C7orf78: variants seen among roughly 807,000 people sequenced by gnomAD.
C7orf78 encodes chromosome 7 open reading frame 78, also known as putative uncharacterized protein C7orf78.
the C7orf78 span, among the ~76,000 whole-genome samples, chr7:12,516,232 G>C: frequency 6.6e-6 from 1 of 152,214 alleles, no homozygotes; most frequent in South Asian, 2.1e-4. Context: ...GCTGTAAGGG[G>C]CCAATGTAGA....
At chr7:12,514,606 A>G in the C7orf78 span, among the ~76,000 whole-genome samples, 1 of 151,856 alleles carries the variant, frequency 6.6e-6, no homozygotes, top group Non-Finnish European at 1.5e-5. Context: ...GCTGTTTTAT[A>G]TATTCTTTAC....
the C7orf78 span, among the ~76,000 whole-genome samples, chr7:12,487,735 A>T: frequency 2.8e-3 from 429 of 152,198 alleles, 2 homozygotes; most frequent in Non-Finnish European, 1.4e-3. Flanking sequence ...TGCAAACAAA[A>T]GTATTTTCAA....
At chr7:12,490,677 A>G in the C7orf78 span, among the ~76,000 whole-genome samples, 2 of 152,038 alleles carry the variant, frequency 1.3e-5, no homozygotes, top group Non-Finnish European at 2.9e-5. Context: ...GGAAATAAGT[A>G]TCTGTCTTCA....
the C7orf78 span, among the ~76,000 whole-genome samples, chr7:12,531,461 CT>C: frequency 6.6e-6 from 1 of 152,058 alleles, no homozygotes; most frequent in African/African-American, 2.4e-5. Context: ...AGTAATCCAC[CT>C]GTAATTTGTG....
chr7:12,486,667 A>G, the C7orf78 span, among the ~76,000 whole-genome samples: 1 of 152,056 alleles, frequency 6.6e-6, no homozygotes, highest in Non-Finnish European at 1.5e-5. Context: ...ATAGCATTTT[A>G]GTCAACATTG....
the C7orf78 span, among the ~76,000 whole-genome samples, chr7:12,503,410 G>C: frequency 6.6e-6 from 1 of 151,758 alleles, no homozygotes; most frequent in African/African-American, 2.4e-5. Context: ...ATCTTTTGGG[G>C]GTAACATTCT....
the C7orf78 span, among the ~76,000 whole-genome samples, chr7:12,520,079 A>G: frequency 1.3e-5 from 2 of 152,220 alleles, no homozygotes; most frequent in Non-Finnish European, 2.9e-5. Context: ...CACAGTGAGG[A>G]TGTAAGCCAA....
chr7:12,519,999 T>G, the C7orf78 span, among the ~76,000 whole-genome samples: 1 of 152,238 alleles, frequency 6.6e-6, no homozygotes, highest in Non-Finnish European at 1.5e-5. Flanking sequence ...GGTCTCCAGA[T>G]GAACACCCAC....
the C7orf78 span, among the ~76,000 whole-genome samples, chr7:12,484,695 C>A: frequency 1.3e-5 from 2 of 152,086 alleles, no homozygotes; most frequent in African/African-American, 4.8e-5. Flanking sequence ...TGGAGGTGGG[C>A]TACAGTCTAT....
chr7:12,527,995 A>G, the C7orf78 span, among the ~76,000 whole-genome samples: 1 of 149,640 alleles, frequency 6.7e-6, no homozygotes, highest in Non-Finnish European at 1.5e-5. Flanking sequence ...AGTGTCACTC[A>G]CTTTGGTAGA....
the C7orf78 span, among the ~76,000 whole-genome samples, chr7:12,495,662 C>CT: frequency 6.6e-6 from 1 of 152,004 alleles, no homozygotes; most frequent in Non-Finnish European, 1.5e-5. Flanking sequence ...TTTTTATTTT[C>CT]TTTTTCGGAA....
chr7:12,514,774 G>A, the C7orf78 span, among the ~76,000 whole-genome samples: 411 of 151,852 alleles, frequency 2.7e-3, no homozygotes, highest in Non-Finnish European at 5.2e-3. Flanking sequence ...TCCCTTTCAA[G>A]TTTAGGACTC....
the C7orf78 span, among the ~76,000 whole-genome samples, chr7:12,540,563 T>C: frequency 6.6e-6 from 1 of 152,218 alleles, no homozygotes; most frequent in Non-Finnish European, 1.5e-5. Context: ...TCACTGGGAA[T>C]TTAATGTTAA....
the C7orf78 span, among the ~76,000 whole-genome samples, chr7:12,492,762 T>A: frequency 1.4e-4 from 21 of 152,276 alleles, no homozygotes; most frequent in East Asian, 3.1e-3. Context: ...TGCCTTGAAG[T>A]CAAAAGTAAA....
the C7orf78 span, among the ~76,000 whole-genome samples, chr7:12,503,566 C>A: frequency 6.6e-6 from 1 of 151,024 alleles, no homozygotes; most frequent in East Asian, 2.0e-4. Context: ...ATGGGGGATT[C>A]ATTACACAAT....
chr7:12,536,343 G>A, the C7orf78 span, among the ~76,000 whole-genome samples: 1 of 152,186 alleles, frequency 6.6e-6, no homozygotes, highest in African/African-American at 2.4e-5. Context: ...TGAAGCCATA[G>A]CCTGAGCTCT....
chr7:12,489,096 A>G, the C7orf78 span, among the ~76,000 whole-genome samples: 2 of 152,094 alleles, frequency 1.3e-5, no homozygotes, highest in African/African-American at 2.4e-5. Context: ...GCACTAGAAT[A>G]AGAAGTATTG....
chr7:12,518,879 T>G, the C7orf78 span, among the ~76,000 whole-genome samples: 1 of 152,126 alleles, frequency 6.6e-6, no homozygotes, highest in East Asian at 1.9e-4. Context: ...TACAAGCAGC[T>G]CTCAGGCTCT....
At chr7:12,540,667 A>T in the C7orf78 span, among the ~76,000 whole-genome samples, 1 of 152,136 alleles carries the variant, frequency 6.6e-6, no homozygotes, top group Non-Finnish European at 1.5e-5. Context: ...AATAAATTTG[A>T]CCGTTTGGCC....
Sources: allele counts gnomAD v4.1 joint callset (sites outside exome capture counted in the v4.1 genomes callset), GRCh38; gene constraint gnomAD v4.1.1; transcripts MANE v1.5; gene names NCBI Gene and HGNC (gene_info 2026-07-23, HGNC 2026-07-21).